The following FARP1 variants were observed in gnomAD, a reference collection of about 807,000 sequenced individuals.
FARP1 encodes the protein FERM, ARHGEF and pleckstrin domain-containing protein 1.
A neutral mutation model predicts 128.8 loss-of-function variants in FARP1; 52 were observed. The ratio of observed to expected loss-of-function variants is 0.40; its 90% CI spans 0.32 to 0.51. The LOEUF (loss-of-function observed/expected upper bound fraction) is 0.51, where lower values mean the gene tolerates loss of function less well. Ranked by LOEUF, FARP1 falls within the 20% of genes least tolerant of loss-of-function variation. The pLI is 0.45. For missense variants in FARP1, 1,333 were observed against 1,367.9 expected, an observed-to-expected ratio of 0.97 and a Z score of 0.40; for synonymous variants, 580 against 551.8, an observed-to-expected ratio of 1.05 and a Z score of -0.72.
At chr13:98,384,223 T>C (rs536132767) in intron 6 of FARP1, 297 of 152,798 alleles carry the variant, frequency 1.9e-3, no homozygotes, top group Non-Finnish European at 3.5e-3. Flanking sequence ...CATGGAGTCT[T>C]GCTCTGTCGC....
At chr13:98,252,480 A>G (rs765640981) in intron 2 of FARP1, among the ~76,000 whole-genome samples, 3 of 152,204 alleles carry the variant, frequency 2.0e-5, no homozygotes, top group Non-Finnish European at 4.4e-5. Context: ...ACTTTTTCAC[A>G]TTACTTTGAC....
intron 3 of FARP1, among the ~76,000 whole-genome samples, chr13:98,349,965 G>T (rs567702230): frequency 6.6e-6 from 1 of 152,128 alleles, no homozygotes. Flanking sequence ...TAGCCGCAGC[G>T]TCTGCCCTCG....
intron 19 of FARP1, chr13:98,437,972 G>A: frequency 1.1e-6 from 1 of 913,704 alleles, no homozygotes; most frequent in South Asian, 1.6e-5. Context: ...GAGCAGAATG[G>A]GAAGGTGGGA....
intron 3 of FARP1, among the ~76,000 whole-genome samples, chr13:98,350,131 G>A (rs954689179): frequency 2.6e-5 from 4 of 152,064 alleles, no homozygotes; most frequent in African/African-American, 7.2e-5. Flanking sequence ...GTCACCTCGC[G>A]GGGCAGCACC....
chr13:98,279,927 C>T (rs1175044294), intron 2 of FARP1, among the ~76,000 whole-genome samples: 2 of 152,146 alleles, frequency 1.3e-5, no homozygotes, highest in African/African-American at 2.4e-5. Context: ...CCACGTTCTC[C>T]GCTGTCTGAC....
rs1203904902 is a variant in FARP1 at position 98,439,129 on chromosome 13, C to T, written c.2366C>T (p.Thr789Met). ...FFLFNDVLLYTSRGLTASNQF... is the reference protein window; with the variant it reads ...FFLFNDVLLYMSRGLTASNQF... ...CAGTTCAACGACGTCCTGCTATACACGAGCCGGGGGCTGACGGCCTCCAAT... is the reference window on the plus strand; with the variant it reads ...CAGTTCAACGACGTCCTGCTATACATGAGCCGGGGGCTGACGGCCTCCAAT... Residue 789 changes from threonine (T) to methionine (M), a missense_variant, in exon 21 of 27, where the codon ACG (threonine) becomes ATG (methionine). Thr to Met is a moderately conservative substitution (Grantham distance 81, BLOSUM62 -1). Coordinates refer to ENST00000319562, the MANE Select transcript of FARP1 (RefSeq NM_005766.4). 41 of 1,613,692 alleles carry T rather than the reference C, an allele frequency of 2.5e-5. No individual in the cohort carries two copies. The highest frequency in any genetic ancestry group is 4.5e-5 in the East Asian group (2 of 44,894).
chr13:98,397,228 T>C (rs1890583381), intron 13 of FARP1: 1 of 152,232 alleles, frequency 6.6e-6, no homozygotes, highest in Non-Finnish European at 1.5e-5. Flanking sequence ...ATTCTGCCTC[T>C]CAGAATCTCT....
chr13:98,405,036 A>AT (rs1890921030), intron 13 of FARP1: 1 of 152,222 alleles, frequency 6.6e-6, no homozygotes, highest in Non-Finnish European at 1.5e-5. Context: ...TGAAAAATAG[A>AT]TTAGAAATGT....
intron 2 of FARP1, among the ~76,000 whole-genome samples, chr13:98,232,426 AG>A (rs1482838246): frequency 6.6e-6 from 1 of 152,196 alleles, no homozygotes; most frequent in Non-Finnish European, 1.5e-5. Flanking sequence ...TACAGATTCC[AG>A]GCATGCCTCA....
intron 1 of FARP1, among the ~76,000 whole-genome samples, chr13:98,153,074 CAG>C (rs1385328402): frequency 6.6e-6 from 1 of 151,636 alleles, no homozygotes; most frequent in Non-Finnish European, 1.5e-5. Context: ...ACTTATTAAT[CAG>C]GGGTTTGTGA....
chr13:98,160,299 G>A (rs1167784584), intron 1 of FARP1, among the ~76,000 whole-genome samples: 1 of 152,184 alleles, frequency 6.6e-6, no homozygotes, highest in Non-Finnish European at 1.5e-5. Context: ...TGCTGTAGGC[G>A]TGATGGTGGG....
At chr13:98,295,222 A>G (rs984322043) in intron 2 of FARP1, among the ~76,000 whole-genome samples, 1 of 151,988 alleles carries the variant, frequency 6.6e-6, no homozygotes, top group Non-Finnish European at 1.5e-5. Context: ...TGCCTGGTAT[A>G]CCTTGGTGCT....
chr13:98,216,376 T>A lies in FARP1; in HGVS notation c.171+2963T>A, dbSNP rs541943862. On this transcript the variant is annotated intron_variant, in intron 2 of 26. Coordinates refer to ENST00000319562, the MANE Select transcript of FARP1 (RefSeq NM_005766.4). Reference sequence around the variant, plus strand: ...TGCTTTAAAACCTTGCTGTGAAACTTTTTGCTGGGAATTCAAGGCCAAGTG... The same window carrying A: ...TGCTTTAAAACCTTGCTGTGAAACTATTTGCTGGGAATTCAAGGCCAAGTG... Among the ~76,000 whole-genome samples, 426 of 152,198 alleles carry A rather than the reference T, an allele frequency of 2.8e-3. 1 individual carries two copies. Among genetic ancestry groups the A allele is most frequent in the Middle Eastern group, 0.01 (3 of 292 alleles).
At chr13:98,323,917 G>A (rs1358445269) in intron 2 of FARP1, among the ~76,000 whole-genome samples, 1 of 152,126 alleles carries the variant, frequency 6.6e-6, no homozygotes, top group South Asian at 2.1e-4. Flanking sequence ...TAACTTCCGA[G>A]CAATTAAGTA....
chr13:98,444,997 T>C (rs3752970), intron 24 of FARP1, among the ~76,000 whole-genome samples: 108,081 of 151,682 alleles, frequency 0.71, 39,609 homozygotes, highest in Non-Finnish European at 0.81. Context: ...TGGCCTGGAA[T>C]GCCCTTTCTC....
chr13:98,249,187 C>T (rs781571281), intron 2 of FARP1, among the ~76,000 whole-genome samples: 1 of 152,018 alleles, frequency 6.6e-6, no homozygotes, highest in Non-Finnish European at 1.5e-5. Flanking sequence ...TAATGAGAAT[C>T]GACTGTATTT....
intron 2 of FARP1, among the ~76,000 whole-genome samples, chr13:98,238,773 G>A (rs1374728543): frequency 6.6e-6 from 1 of 152,110 alleles, no homozygotes; most frequent in East Asian, 1.9e-4. Context: ...GATTTGGGTG[G>A]GGACACAGCC....
In FARP1 at chr13:98,454,112, T is replaced by C. The variant is rs1414425640; in HGVS notation, c.*5795T>C. 1.3e-5 allele frequency: 2 copies of C among 152,314 alleles called. No homozygotes were observed. The allele number at this position is 152,314 out of a possible 1,614,324, so 9.4% of individuals were successfully genotyped here. ...CTTCTGTATCCTAAATTAAGTACTA[T>C]AGAAATTCTAAAAAATCTTCTTTGC... is the stretch of plus-strand genomic sequence containing the variant. On this transcript the variant is annotated 3_prime_UTR_variant, in exon 27 of 27. Coordinates refer to ENST00000319562, the MANE Select transcript of FARP1 (RefSeq NM_005766.4).
intron 1 of FARP1, among the ~76,000 whole-genome samples, chr13:98,178,264 C>A (rs551718842): frequency 6.7e-6 from 1 of 149,118 alleles, no homozygotes; most frequent in African/African-American, 2.5e-5. Context: ...TACATGATCC[C>A]GGCTCACTGC....
Sources: gnomAD v4.1 joint callset for allele counts (sites outside exome capture counted in the v4.1 genomes callset) on GRCh38, gnomAD v4.1.1 for gene constraint, MANE v1.5 for transcripts, NCBI Gene and HGNC (gene_info 2026-07-23, HGNC 2026-07-21) for gene names.